The following ARHGEF10L variants were observed in gnomAD, a reference collection of about 807,000 sequenced individuals.
ARHGEF10L encodes the protein rho guanine nucleotide exchange factor 10-like protein.
In ARHGEF10L, 69 loss-of-function variants were observed where a neutral mutation model predicts 141.2. That is an observed-to-expected ratio of 0.49 (90% CI 0.40 to 0.60). ARHGEF10L has a LOEUF of 0.60. Among genes scored for constraint, ARHGEF10L ranks in the 20% least tolerant of loss-of-function variants. The probability of loss-of-function intolerance (pLI) is 0.00; values close to 1 mark genes in which losing one functional copy is unlikely to be tolerated. For synonymous variants in ARHGEF10L, 711 were observed against 718.5 expected, an observed-to-expected ratio of 0.99 and a Z score of 0.17; for missense variants, 1,482 against 1,734.3, an observed-to-expected ratio of 0.85 and a Z score of 2.58.
the ARHGEF10L span, among the ~76,000 whole-genome samples, chr1:17,524,421 A>ACACACACACACAC: frequency 7.1e-5 from 10 of 140,792 alleles, no homozygotes; most frequent in East Asian, 2.0e-4. Flanking sequence ...ACACACACAC[A>ACACACACACACAC]AAATTAGCCT....
chr1:17,527,794 G>A, the ARHGEF10L span, among the ~76,000 whole-genome samples: 1 of 151,882 alleles, frequency 6.6e-6, no homozygotes, highest in African/African-American at 2.4e-5. Flanking sequence ...TATTCACTGA[G>A]GGGGTAGGTG....
chr1:17,618,950 A>G (rs1189799178), intron 9 of ARHGEF10L, among the ~76,000 whole-genome samples: 1 of 152,214 alleles, frequency 6.6e-6, no homozygotes, highest in East Asian at 1.9e-4. Context: ...CTTCCAGAAG[A>G]AAACTATTTT....
chr1:17,549,475 G>A (rs960019741), intron 1 of ARHGEF10L, among the ~76,000 whole-genome samples: 1 of 152,142 alleles, frequency 6.6e-6, no homozygotes, highest in Admixed American at 6.5e-5. Context: ...TGTGGGGGTG[G>A]GGGTACAGGA....
chr1:17,697,330 G>A lies in ARHGEF10L; in HGVS notation c.3790G>A (p.Gly1264Arg). The A allele has an allele frequency of 6.2e-7, 1 of 1,611,506 alleles. No individual in the cohort carries two copies. Among genetic ancestry groups the A allele is most frequent in the Non-Finnish European group, 8.5e-7 (1 of 1,179,100 alleles). ...CAGCAGTGGGAGGCAGGCCCCGTGT[G>A]GGGAGACGGACAGCACCCTCCTCAT... Reference protein sequence around the residue: ...LGSSGRQAPCGETDSTLLIWQ... With the variant: ...LGSSGRQAPCRETDSTLLIWQ... The change falls in exon 29 of 29, where the codon GGG becomes AGG. Residue 1264 changes from glycine (G) to arginine (R), a missense_variant. Coordinates refer to ENST00000361221, the MANE Select transcript of ARHGEF10L (RefSeq NM_018125.4). The surrounding 1 kb of genome is among the most constrained non-coding windows in gnomAD (Gnocchi z 4.8).
At chr1:17,588,899 T>TGTGTGTGTGTG (rs1557758147) in intron 4 of ARHGEF10L, among the ~76,000 whole-genome samples, 172 of 30,014 alleles carry the variant, frequency 5.7e-3, no homozygotes, top group Middle Eastern at 0.024. Context: ...TGTGTGTGTG[T>TGTGTGTGTGTG]AGTGGGGGAG....
At position 17,580,591 on chromosome 1, in the gene ARHGEF10L, G is replaced by A; in HGVS notation, c.-5G>A. The stretch of plus-strand genomic sequence containing the variant: ...ACGGTGCTGGTCTGAGCTGGACCTT[G>A]TCTGATGGCTTCCTCCAACCCTCCT... On this transcript the variant is annotated 5_prime_UTR_variant, in exon 2 of 29. Coordinates refer to ENST00000361221, the MANE Select transcript of ARHGEF10L (RefSeq NM_018125.4). 1 of 1,614,194 alleles carries A rather than the reference G, an allele frequency of 6.2e-7. No individual in the cohort carries two copies. Among genetic ancestry groups the A allele is most frequent in the Non-Finnish European group, 8.5e-7 (1 of 1,180,036 alleles).
chr1:17,691,707 A>G (rs890364057), intron 27 of ARHGEF10L, among the ~76,000 whole-genome samples: 18 of 151,338 alleles, frequency 1.2e-4, no homozygotes, highest in African/African-American at 3.9e-4. Flanking sequence ...TATTATATGT[A>G]TATATATATG....
chr1:17,684,242 C>T (rs975438942), intron 26 of ARHGEF10L, among the ~76,000 whole-genome samples: 4 of 152,226 alleles, frequency 2.6e-5, no homozygotes, highest in Non-Finnish European at 5.9e-5. Flanking sequence ...TTCCTTCCTC[C>T]TGGATTCCTC....
chr1:17,656,234 G>T lies in ARHGEF10L; in HGVS notation c.2705+132G>T, dbSNP rs957290350. The stretch of plus-strand genomic sequence containing the variant: ...CTGCCCCTGGTCTCCAGGAAGGTGG[G>T]CACCAGAGCTGCCCAGTGTGGGAGC... On this transcript the variant is annotated intron_variant, in intron 24 of 28. Coordinates refer to ENST00000361221, the MANE Select transcript of ARHGEF10L (RefSeq NM_018125.4). The surrounding 1 kb of genome is among the most constrained non-coding windows in gnomAD (Gnocchi z 4.9). 1.8e-5 allele frequency: 21 copies of T among 1,150,972 alleles called. No individual in the cohort carries two copies. In the Admixed American group the frequency reaches 3.6e-4, roughly 20 times the overall value. 71.3% of individuals were successfully genotyped at this position (1,150,972 alleles called of 1,614,324 possible).
At chr1:17,642,796 T>C (rs1170727651) in intron 21 of ARHGEF10L, among the ~76,000 whole-genome samples, 1 of 152,230 alleles carries the variant, frequency 6.6e-6, no homozygotes, top group African/African-American at 2.4e-5. Flanking sequence ...GTGGCTTCCC[T>C]GCCCCTTGGG....
Position 17,639,644 on chromosome 1 carries a change from C to T in ARHGEF10L, c.2172-558C>T, listed in dbSNP as rs1244394606. The T allele has an allele frequency of 7.9e-6, 3 of 381,810 alleles. No individual in the cohort carries two copies. The highest frequency in any genetic ancestry group is 3.1e-5 in the Admixed American group (1 of 31,874). 23.7% of individuals were successfully genotyped at this position (381,810 alleles called of 1,614,324 possible). On this transcript the variant is annotated intron_variant, in intron 20 of 28. Transcript: ENST00000361221. This position sits in a 1 kb window ranked among gnomAD's most constrained non-coding sequence, Gnocchi z 4.3. The stretch of plus-strand genomic sequence containing the variant: ...CCACCTCCCAAAGGGCTGGGAAGGC[C>T]CCCACTGCTCTGAGGTGAGAGGACA...
intron 1 of ARHGEF10L, among the ~76,000 whole-genome samples, chr1:17,575,839 G>C (rs1251343564): frequency 6.6e-6 from 1 of 152,192 alleles, no homozygotes; most frequent in Non-Finnish European, 1.5e-5. Flanking sequence ...CCAAGCACCT[G>C]GTCTTTCCCC....
At chr1:17,593,565 G>A (rs1029783739) in intron 4 of ARHGEF10L, among the ~76,000 whole-genome samples, 29 of 152,132 alleles carry the variant, frequency 1.9e-4, no homozygotes, top group Non-Finnish European at 2.9e-5. Context: ...TGGAGGACGG[G>A]ATTGTGACCA....
intron 1 of ARHGEF10L, among the ~76,000 whole-genome samples, chr1:17,566,025 T>C (rs1303794969): frequency 7.3e-6 from 1 of 136,772 alleles, no homozygotes; most frequent in Non-Finnish European, 1.7e-5. Context: ...TGTAGCCTGG[T>C]GTTTGTCTGC....
intron 21 of ARHGEF10L, among the ~76,000 whole-genome samples, chr1:17,647,461 G>C (rs75249120): frequency 0.022 from 3,347 of 152,278 alleles, 130 homozygotes; most frequent in African/African-American, 0.077. Flanking sequence ...AGTCCTCATA[G>C]GGAGTGTAAA....
rs570211122 is a variant in ARHGEF10L at position 17,607,803 on chromosome 1, G to T, written c.435G>T (p.Gly145=). The change falls in exon 7 of 29, where the codon GGG becomes GGT. Residue 145 remains glycine, a splice_region_variant and synonymous_variant. Transcript: ENST00000361221. This position sits in a 1 kb window ranked among gnomAD's most constrained non-coding sequence, Gnocchi z 4.5. ...CACCGGCTGCCGCTTGGCCAGCAGG[G>T]GCAGAGAGGAACCTGCTCTACGAGG... is the stretch of plus-strand genomic sequence containing the variant. ...PCESPDAHQP[G]AERNLLYEDA... 226 of 1,576,458 alleles carry T rather than the reference G, an allele frequency of 1.4e-4. 3 individuals carry two copies. The South Asian group carries it at 2.5e-3, about 18-fold the overall frequency.
rs762164996 is a variant in ARHGEF10L, at chr1:17,624,501, A to G, written c.1315A>G (p.Lys439Glu). 2 of 1,612,750 alleles carry G rather than the reference A, an allele frequency of 1.2e-6. No individual in the cohort carries two copies. The highest frequency in any genetic ancestry group is 1.7e-6 in the Non-Finnish European group (2 of 1,178,756). Residue 439 changes from lysine (K) to glutamate (E), a missense_variant and splice_region_variant, in exon 13 of 29, where the codon AAG becomes GAG. Transcript: ENST00000361221. ...CAAGCCTGCCTTCCTCGAGTTCCTC[A>G]AGGTGGGCCTCCATGGTGGTACCGT... is the stretch of plus-strand genomic sequence containing the variant. ...LTKPAFLEFLKRRQVCSPDRV... is the reference protein window; with the variant it reads ...LTKPAFLEFLERRQVCSPDRV...
intron 18 of ARHGEF10L, among the ~76,000 whole-genome samples, chr1:17,637,442 C>T (rs1298239304): frequency 6.6e-6 from 1 of 152,158 alleles, no homozygotes; most frequent in Non-Finnish European, 1.5e-5. Context: ...AAGGATCTGG[C>T]TTCCCAGCTA....
At chr1:17,598,072 A>G (rs1456124845) in intron 4 of ARHGEF10L, among the ~76,000 whole-genome samples, 1 of 151,466 alleles carries the variant, frequency 6.6e-6, no homozygotes, top group Non-Finnish European at 1.5e-5. Flanking sequence ...AGACAATGCC[A>G]TAGATTGGGT....
Sources: gnomAD v4.1 joint callset for allele counts (sites outside exome capture counted in the v4.1 genomes callset) on GRCh38, gnomAD v4.1.1 for gene constraint, Gnocchi (gnomAD v3.1) non-coding constraint, MANE v1.5 for transcripts, NCBI Gene and HGNC (gene_info 2026-07-23, HGNC 2026-07-21) for gene names.